DNAH2: variants seen among roughly 807,000 people sequenced by gnomAD.
DNAH2 encodes the protein dynein axonemal heavy chain 2, also known as axonemal beta dynein heavy chain 2.
A neutral mutation model predicts 523.5 loss-of-function variants in DNAH2; 323 were observed. The ratio of observed to expected loss-of-function variants is 0.62; its 90% CI spans 0.56 to 0.68. The LOEUF (loss-of-function observed/expected upper bound fraction) is 0.68. Among genes scored for constraint, DNAH2 ranks in the 30% least tolerant of loss-of-function variants. The probability of loss-of-function intolerance (pLI) is 0.00; values close to 1 mark genes in which losing one functional copy is unlikely to be tolerated. For missense variants in DNAH2, 4,907 were observed against 5,701.5 expected (o/e 0.86, Z 4.49); for synonymous variants, 2,093 against 2,177.4 (o/e 0.96, Z 1.08).
chr17:7,818,868 AGCCTGGTCCC>A lies in DNAH2; in HGVS notation c.10671-48_10671-39del, dbSNP rs750462622. The stretch of plus-strand genomic sequence containing the variant: ...CCCCAGGCACAACAGCATCCCAGGG[AGCCTGGTCCC>A]GCTAACCCCTTGCTCCATGTGCCTC... On this transcript the variant is annotated intron_variant, in intron 70 of 85. Coordinates refer to ENST00000572933, the MANE Select transcript of DNAH2 (RefSeq NM_020877.5). 10 of 1,606,716 alleles carry A rather than the reference AGCCTGGTCCC, an allele frequency of 6.2e-6. No individual in the cohort carries two copies. In the African/African-American group the frequency reaches 1.1e-4, roughly 17 times the overall value.
In DNAH2 at chr17:7,759,407, C is replaced by T. The variant is rs1227843417; in HGVS notation, c.2449-15C>T. The T allele has an allele frequency of 1.3e-6, 2 of 1,597,710 alleles. No homozygotes were observed. The highest frequency in any genetic ancestry group is 1.7e-6 in the Non-Finnish European group (2 of 1,170,210). ...TCCCTGAAAAGTTCTCTTTTTCCTC[C>T]CTCCATCCCATCAGATTCAGCAGCA... On this transcript the variant is annotated splice_polypyrimidine_tract_variant and intron_variant, in intron 15 of 85. Transcript: ENST00000572933.
intron 63 of DNAH2, among the ~76,000 whole-genome samples, chr17:7,813,678 C>T (rs1336924501): frequency 1.3e-5 from 2 of 152,218 alleles, no homozygotes; most frequent in East Asian, 1.9e-4. Context: ...GAGGTTGACG[C>T]GGGTGGATGA....
intron 28 of DNAH2, 23 bp from the exon 29 acceptor site, chr17:7,774,736 T>C: frequency 6.2e-7 from 1 of 1,604,588 alleles, no homozygotes; most frequent in Non-Finnish European, 8.5e-7. Context: ...GAATCAAATG[T>C]CATTCATCGC....
chr17:7,795,920 C>T (rs151234704), intron 49 of DNAH2, among the ~76,000 whole-genome samples: 1 of 145,902 alleles, frequency 6.9e-6, no homozygotes, highest in Non-Finnish European at 1.5e-5. Flanking sequence ...TTGCTTGAAC[C>T]CGGGAGGCGG....
chr17:7,807,451 C>G lies in DNAH2; in HGVS notation c.9613-19C>G. 3 of 1,612,444 alleles carry G rather than the reference C, an allele frequency of 1.9e-6. No homozygotes were observed. Among genetic ancestry groups the G allele is most frequent in the Non-Finnish European group, 2.5e-6 (3 of 1,179,728 alleles). On this transcript the variant is annotated intron_variant, in intron 62 of 85. Transcript: ENST00000572933. The surrounding 1 kb of genome is among the most constrained non-coding windows in gnomAD (Gnocchi z 5.6). ...GTGGGTTGGTGGGCGACTCCCACAG[C>G]CTGACTGTCTCCCCACAGCTGTATG...
At chr17:7,750,439 C>T (rs748104120) in intron 12 of DNAH2, among the ~76,000 whole-genome samples, 2 of 152,146 alleles carry the variant, frequency 1.3e-5, no homozygotes, top group Non-Finnish European at 2.9e-5. Flanking sequence ...CCTTTGTCTT[C>T]CTCTTTTTTG....
At chr17:7,749,306 CCCAAAAAAAAAAAAAAAAAA>C (rs1567636677) in intron 12 of DNAH2, among the ~76,000 whole-genome samples, 264 of 3,496 alleles carry the variant, frequency 0.076, 9 homozygotes, top group South Asian at 0.14. Context: ...TAAACTCCCC[CCCAAAAAAAAAAAAAAAAAA>C]AAAAAAAAAA....
At chr17:7,804,560 T>C (rs1291319358) in intron 59 of DNAH2, 94 bp downstream of exon 59, 10 of 1,412,726 alleles carry the variant, frequency 7.1e-6, no homozygotes, top group Non-Finnish European at 8.7e-6. Context: ...AAATTTTCTT[T>C]AGTGACTGGG....
chr17:7,801,779 G>A (rs989619589), intron 57 of DNAH2, 69 bp downstream of exon 57: 20 of 1,606,072 alleles, frequency 1.2e-5, no homozygotes, highest in Middle Eastern at 1.7e-4. Flanking sequence ...ATCTCTCATC[G>A]CACCCCCGGC....
At chr17:7,823,208 C>T (rs1393798396) in intron 73 of DNAH2, among the ~76,000 whole-genome samples, 5 of 151,186 alleles carry the variant, frequency 3.3e-5, no homozygotes, top group Admixed American at 3.3e-4. Context: ...GCAGGAGAAT[C>T]GCTTGAACCT....
intron 73 of DNAH2, 85 bp from the exon 74 acceptor site, chr17:7,823,347 CAGAGAGAGAG>C: frequency 6.3e-6 from 5 of 788,612 alleles, no homozygotes; most frequent in South Asian, 2.1e-5. Context: ...GAGAAAAATA[CAGAGAGAGAG>C]AGAGAGAGAG....
chr17:7,822,848 AC>A (rs1322231780), intron 73 of DNAH2, among the ~76,000 whole-genome samples: 1 of 152,164 alleles, frequency 6.6e-6, no homozygotes, highest in African/African-American at 2.4e-5. Context: ...GAGGCTACCA[AC>A]CAGTCATTAG....
At chr17:7,731,466 A>AATTT (rs1455781633) in intron 4 of DNAH2, among the ~76,000 whole-genome samples, 9 of 152,112 alleles carry the variant, frequency 5.9e-5, no homozygotes, top group Non-Finnish European at 7.4e-5. Flanking sequence ...TTATTTGCTT[A>AATTT]AATTCAAGTA....
chr17:7,793,451 C>CT (rs1291891782), intron 48 of DNAH2, among the ~76,000 whole-genome samples: 2 of 54,116 alleles, frequency 3.7e-5, no homozygotes, highest in Admixed American at 2.0e-4. Context: ...CTTTCTTTTT[C>CT]TTTCTTTCTT....
chr17:7,818,865 G>C (rs937199995), intron 70 of DNAH2, 54 bp from the exon 71 acceptor site: 10 of 1,606,738 alleles, frequency 6.2e-6, no homozygotes, highest in Non-Finnish European at 7.7e-6. Context: ...CAGCATCCCA[G>C]GGAGCCTGGT....
chr17:7,733,339 T>A (rs754927352), intron 5 of DNAH2, 24 bp downstream of exon 5: 1 of 1,610,492 alleles, frequency 6.2e-7, no homozygotes, highest in Admixed American at 1.7e-5. Context: ...CCGGAGTGAC[T>A]AGTTTCTCCT....
chr17:7,763,973 G>A lies in DNAH2; in HGVS notation c.3121G>A (p.Glu1041Lys), dbSNP rs369201710. Residue 1041 changes from glutamate to lysine, a missense_variant, in exon 19 of 86, where the codon GAG becomes AAG. By Grantham distance (56) the Glu-to-Lys change is moderately conservative. This residue lies in a region of DNAH2 where 2,806 missense variants were observed against 3,190.8 expected (regional missense o/e 0.88). Transcript: ENST00000572933. ...WQNKFATLLR[E>K]MAAGRLLELH... ...GAACAAGTTCGCGACTCTGCTCAGG[G>A]AGATGGCTGCTGGGCGCCTCCTGGA... The A allele has an allele frequency of 4.3e-5, 70 of 1,614,102 alleles. No individual in the cohort carries two copies. The highest frequency in any genetic ancestry group is 5.6e-5 in the Non-Finnish European group (66 of 1,180,050).
chr17:7,817,409 C>G lies in DNAH2; in HGVS notation c.10014C>G (p.Ile3338Met), dbSNP rs774648799. Residue 3338 changes from isoleucine to methionine, a missense_variant, in exon 65 of 86, where the codon ATC (isoleucine) becomes ATG (methionine). Physicochemically the swap from Ile to Met is conservative, Grantham distance 10 (BLOSUM62 1). Transcript: ENST00000572933. ...YRDEIVNQIW[I>M]GKIWELQVPC... ...ATGAGATTGTCAACCAAATCTGGAT[C>G]GGGAAGGTGAGATGGGACTCAGGCA... The G allele has an allele frequency of 6.2e-7, 1 of 1,613,868 alleles. No homozygotes were observed. The highest frequency in any genetic ancestry group is 1.7e-5 in the Admixed American group (1 of 59,974).
chr17:7,833,035 C>G, intron 84 of DNAH2, 36 bp from the exon 85 acceptor site: 2 of 1,613,026 alleles, frequency 1.2e-6, no homozygotes, highest in South Asian at 1.1e-5. Flanking sequence ...CAATTGAAGT[C>G]TAGCTTCTCC....
Sources: gnomAD v4.1 joint callset for allele counts (sites outside exome capture counted in the v4.1 genomes callset) on GRCh38, gnomAD v4.1.1 for gene constraint, gnomAD v4.1.1 regional missense constraint, Gnocchi (gnomAD v3.1) non-coding constraint, MANE v1.5 for transcripts, NCBI Gene and HGNC (gene_info 2026-07-23, HGNC 2026-07-21) for gene names.